Variants in NKTR observed in about 807,000 individuals in gnomAD.
The protein encoded by NKTR is NK-tumor recognition protein.
In NKTR, 67 loss-of-function variants were observed where a neutral mutation model predicts 156.3. The observed-to-expected ratio is 0.43, with a 90% confidence interval of 0.35 to 0.53. The LOEUF (loss-of-function observed/expected upper bound fraction) is 0.53. Ranked by LOEUF, NKTR falls within the 20% of genes least tolerant of loss-of-function variation. The pLI, the probability that NKTR is intolerant of heterozygous loss-of-function variation, is 0.01. For synonymous variants in NKTR, 640 were observed against 596.6 expected, an observed-to-expected ratio of 1.07 and a Z score of -1.06; for missense variants, 1,604 against 1,730.9, an observed-to-expected ratio of 0.93 and a Z score of 1.30.
At chr3:42,643,193 A>T in intron 14 of NKTR, 146 bp from the exon 15 acceptor site, 1 of 658,986 alleles carries the variant, frequency 1.5e-6, no homozygotes, top group Non-Finnish European at 2.7e-6. Flanking sequence ...AAAATCCAAT[A>T]TACTTTTGAT....
chr3:42,615,360 T>G (rs968599642), intron 2 of NKTR, among the ~76,000 whole-genome samples: 30 of 151,794 alleles, frequency 2.0e-4, no homozygotes, highest in African/African-American at 7.2e-4. Context: ...ATTACAGGCG[T>G]GAGCCACCAT....
chr3:42,631,935 G>A (rs1295759084), intron 8 of NKTR, among the ~76,000 whole-genome samples: 3 of 151,936 alleles, frequency 2.0e-5, no homozygotes, highest in African/African-American at 2.4e-5. Flanking sequence ...ATATCTGCAT[G>A]ACACTGTCCC....
chr3:42,631,264 A>G lies in NKTR; in HGVS notation c.498A>G (p.Ala166=), dbSNP rs764791700. 6.2e-7 allele frequency: 1 copy of G among 1,614,066 alleles called. No homozygotes were observed. The highest frequency in any genetic ancestry group is 8.5e-7 in the Non-Finnish European group (1 of 1,179,970). ...LKTDAASRPY[A]DVRVIDCGVL... is the part of the protein sequence containing the mutation. ...CCGATGCTGCAAGCAGACCATATGC[A>G]GATGTGCGAGTTATTGACTGTGGAG... Residue 166 remains alanine, a synonymous_variant, in exon 8 of 17, where the codon GCA becomes GCG. Coordinates refer to ENST00000232978, the MANE Select transcript of NKTR (RefSeq NM_005385.4).
chr3:42,621,435 A>G lies in NKTR; in HGVS notation c.293A>G (p.Asn98Ser), dbSNP rs770869901. 1 of 1,605,840 alleles carries G rather than the reference A, an allele frequency of 6.2e-7. No individual in the cohort carries two copies. Among genetic ancestry groups the G allele is most frequent in the Non-Finnish European group, 8.5e-7 (1 of 1,176,898 alleles). ...SIYGGYFKDENFILKHDRAFL... is the reference protein window; with the variant it reads ...SIYGGYFKDESFILKHDRAFL... ...TTGTGTTTTCTTCAAACAGATGAAA[A>G]CTTTATTCTCAAACATGACAGAGCG... is the stretch of plus-strand genomic sequence containing the variant. Residue 98 changes from asparagine (N) to serine (S), a missense_variant, in exon 6 of 17, where the codon AAC (asparagine) becomes AGC (serine). Asn to Ser is a conservative substitution (Grantham distance 46). This residue lies in a region of NKTR where 61 missense variants were observed against 113.3 expected (regional missense o/e 0.54). Coordinates refer to ENST00000232978, the MANE Select transcript of NKTR (RefSeq NM_005385.4).
rs7617403 is a variant in NKTR at position 42,639,895 on chromosome 3, G to A, written c.4046+145G>A. On this transcript the variant is annotated intron_variant, in intron 13 of 16. Coordinates refer to ENST00000232978, the MANE Select transcript of NKTR (RefSeq NM_005385.4). ...CTTGTTTTGTGTGATTCAGAGAGTA[G>A]ATTGAAAACTTAGGGAGAGGGAATT... The A allele has an allele frequency of 0.14, 99,625 of 693,344 alleles. 8,792 individuals are homozygous for A. Among genetic ancestry groups the A allele is most frequent in the African/African-American group, 0.3 (16,476 of 55,534 alleles). The allele number at this position is 693,344 out of a possible 1,614,324, so 42.9% of individuals were successfully genotyped here. A position where few individuals can be genotyped will look rare whatever the true frequency, so the allele number is the denominator to read the frequency against.
chr3:42,601,077 C>G lies in NKTR; in HGVS notation c.58+13C>G. The G allele has an allele frequency of 6.4e-7, 1 of 1,554,366 alleles. No individual in the cohort carries two copies. The highest frequency in any genetic ancestry group is 8.7e-7 in the Non-Finnish European group (1 of 1,152,764). On this transcript the variant is annotated intron_variant, in intron 2 of 16. Coordinates refer to ENST00000232978, the MANE Select transcript of NKTR (RefSeq NM_005385.4). ...AACCGGGAGCCGGGTGAGCTGGAAA[C>G]TGGGGAGCGCTGCTGGGGCCGAGGC...
chr3:42,604,605 G>A (rs1706009761), intron 2 of NKTR, among the ~76,000 whole-genome samples: 1 of 137,062 alleles, frequency 7.3e-6, no homozygotes, highest in Non-Finnish European at 1.5e-5. Flanking sequence ...CAGGAGAAGA[G>A]TATTGAAGTC....
In NKTR at chr3:42,638,406, A is replaced by G. The variant is rs1217582071; in HGVS notation, c.2702A>G (p.Asn901Ser). Residue 901 changes from asparagine to serine, a missense_variant, in exon 13 of 17, where the codon AAT becomes AGT. Asn to Ser is a conservative substitution (Grantham distance 46). Transcript: ENST00000232978. ...SERDVTKNSKNDSHPSSDKEE... is the reference protein window; with the variant it reads ...SERDVTKNSKSDSHPSSDKEE... ...CGAGATGTCACTAAAAACAGTAAAA[A>G]TGACTCCCATCCATCCTCTGACAAG... The G allele has an allele frequency of 1.2e-6, 2 of 1,613,858 alleles. No homozygotes were observed. The highest frequency in any genetic ancestry group is 4.5e-5 in the East Asian group (2 of 44,886).
At chr3:42,605,287 C>T (rs540081793) in intron 2 of NKTR, among the ~76,000 whole-genome samples, 1 of 152,252 alleles carries the variant, frequency 6.6e-6, no homozygotes, top group South Asian at 2.1e-4. Flanking sequence ...TGGGTCTTGT[C>T]CCACTCTGAC....
At position 42,643,391 on chromosome 3, in the gene NKTR, T is replaced by C. The variant is rs1159865661; in HGVS notation, c.4195T>C (p.Ser1399Pro). The C allele has an allele frequency of 6.2e-7, 1 of 1,613,784 alleles. No individual in the cohort carries two copies. Among genetic ancestry groups the C allele is most frequent in the Admixed American group, 1.7e-5 (1 of 59,996 alleles). The change falls in exon 15 of 17, where the codon TCC becomes CCC. Residue 1399 changes from serine (S) to proline (P), a missense_variant. Coordinates refer to ENST00000232978, the MANE Select transcript of NKTR (RefSeq NM_005385.4). ...CAGCTCATATGATCCCCACAGTCGA[T>C]CCAGGTATGAACAGGGATTGGGAAA... ...RSSSYDPHSRSRSYTYDSYYS... is the reference protein window; with the variant it reads ...RSSSYDPHSRPRSYTYDSYYS...
Position 42,637,946 on chromosome 3 carries a change from A to C in NKTR, c.2242A>C (p.Ser748Arg), listed in dbSNP as rs1709566259. Reference protein sequence around the residue: ...CSRSSSYTSISSDDGRRAKRR... With the variant: ...CSRSSSYTSIRSDDGRRAKRR... ...TAGATCATCTTCATATACTTCTATT[A>C]GCAGTGATGATGGAAGGCGAGCTAA... The change falls in exon 13 of 17, where the codon AGC becomes CGC. Residue 748 changes from serine (S) to arginine (R), a missense_variant. This residue lies in a region of NKTR where 1,255 missense variants were observed against 1,243.7 expected (regional missense o/e 1.01). Coordinates refer to ENST00000232978, the MANE Select transcript of NKTR (RefSeq NM_005385.4). 6.2e-7 allele frequency: 1 copy of C among 1,613,928 alleles called. No individual in the cohort carries two copies. Among genetic ancestry groups the C allele is most frequent in the Non-Finnish European group, 8.5e-7 (1 of 1,179,790 alleles).
At chr3:42,621,227 T>G in intron 5 of NKTR, 2 of 1,231,384 alleles carry the variant, frequency 1.6e-6, no homozygotes, top group Non-Finnish European at 2.0e-6. Context: ...GTTCTTTTCC[T>G]CAAGGCTTTA....
intron 5 of NKTR, chr3:42,619,964 G>C: frequency 6.5e-7 from 1 of 1,527,116 alleles, no homozygotes; most frequent in Non-Finnish European, 8.8e-7. Flanking sequence ...CTATATACAT[G>C]AAAACTCCTA....
At position 42,637,252 on chromosome 3, in the gene NKTR, A is replaced by C; in HGVS notation, c.1548A>C (p.Arg516Ser). 6.2e-7 allele frequency: 1 copy of C among 1,611,648 alleles called. No individual in the cohort carries two copies. The highest frequency in any genetic ancestry group is 8.5e-7 in the Non-Finnish European group (1 of 1,179,284). ...DVQSSLTHSSRDSYRSKSHSQ... is the reference protein window; with the variant it reads ...DVQSSLTHSSSDSYRSKSHSQ... ...AGAGCTCTTTAACCCATTCCAGCAG[A>C]GACTCATACAGATCAAAATCTCACT... The change falls in exon 13 of 17, where the codon AGA (arginine) becomes AGC (serine). Residue 516 changes from arginine to serine, a missense_variant. Physicochemically the swap from Arg to Ser is moderately radical, Grantham distance 110. Transcript: ENST00000232978.
rs1266833606 is a variant in NKTR, at chr3:42,619,018, A to G, written c.134-2A>G. The G allele has an allele frequency of 4.8e-6, 7 of 1,460,334 alleles. No homozygotes were observed. The highest frequency in any genetic ancestry group is 1.2e-5 in the South Asian group (1 of 80,142). 90.5% of individuals were successfully genotyped at this position (1,460,334 alleles called of 1,614,324 possible). On this transcript the variant is annotated splice_acceptor_variant, in intron 3 of 16. Coordinates refer to ENST00000232978, the MANE Select transcript of NKTR (RefSeq NM_005385.4). LOFTEE classifies it high-confidence loss of function. ...ATTTCTTTTTTTTTTTTTTTTTTCCAGGAGAGAAAGGCCTTGGGAAAACAA... is the reference window on the plus strand; with the variant it reads ...ATTTCTTTTTTTTTTTTTTTTTTCCGGGAGAGAAAGGCCTTGGGAAAACAA...
intron 2 of NKTR, among the ~76,000 whole-genome samples, chr3:42,610,006 A>G (rs1281986678): frequency 1.3e-5 from 2 of 151,588 alleles, no homozygotes; most frequent in Non-Finnish European, 2.9e-5. Flanking sequence ...ATTGACTAGA[A>G]TTTCCTTTTT....
At position 42,600,997 on chromosome 3, in the gene NKTR, C is replaced by T. The variant is rs1705360900; in HGVS notation, c.-10C>T. The T allele has an allele frequency of 1.9e-6, 3 of 1,562,366 alleles. No individual in the cohort carries two copies. The highest frequency in any genetic ancestry group is 1.7e-6 in the Non-Finnish European group (2 of 1,156,774). On this transcript the variant is annotated 5_prime_UTR_variant, in exon 2 of 17. Transcript: ENST00000232978. Reference sequence around the variant, plus strand: ...CCTCTCTCCCAGCTCTTGCCGCCACCTCGGTCGCGATGGGGGCGCAGGACC... The same window carrying T: ...CCTCTCTCCCAGCTCTTGCCGCCACTTCGGTCGCGATGGGGGCGCAGGACC...
intron 2 of NKTR, among the ~76,000 whole-genome samples, chr3:42,608,224 C>A (rs1706426617): frequency 6.6e-6 from 1 of 151,778 alleles, no homozygotes; most frequent in Admixed American, 6.6e-5. Context: ...CTCCTGACCT[C>A]AGGTAATCCA....
intron 16 of NKTR, among the ~76,000 whole-genome samples, chr3:42,645,578 G>T (rs1167496741): frequency 6.6e-6 from 1 of 152,104 alleles, no homozygotes; most frequent in Non-Finnish European, 1.5e-5. Context: ...CAGCTACTAG[G>T]GAGGCTGAGG....
Sources: gnomAD v4.1 joint callset for allele counts (sites outside exome capture counted in the v4.1 genomes callset) on GRCh38, gnomAD v4.1.1 for gene constraint, gnomAD v4.1.1 regional missense constraint, MANE v1.5 for transcripts, NCBI Gene and HGNC (gene_info 2026-07-23, HGNC 2026-07-21) for gene names.